The following SLC25A33 variants were observed in gnomAD, a reference collection of about 807,000 sequenced individuals.
SLC25A33 encodes bone marrow stromal cell mitochondrial carrier protein.
A neutral mutation model predicts 35.5 loss-of-function variants in SLC25A33; 15 were observed. That is an observed-to-expected ratio of 0.42 (90% CI 0.28 to 0.65). The LOEUF is 0.65. Ranked by LOEUF, SLC25A33 falls within the 30% of genes least tolerant of loss-of-function variation. The pLI is 0.20. For missense variants in SLC25A33, 257 were observed against 398.5 expected, an observed-to-expected ratio of 0.64 and a Z score of 3.02; for synonymous variants, 136 against 148.7, an observed-to-expected ratio of 0.91 and a Z score of 0.62.
intron 2 of SLC25A33, among the ~76,000 whole-genome samples, chr1:9,564,742 ATATATATAT>A (rs1643478103): frequency 4.6e-5 from 4 of 86,180 alleles, no homozygotes; most frequent in Admixed American, 1.2e-4. Flanking sequence ...AAAAAAAAAT[ATATATATAT>A]ATATATATAT....
intron 3 of SLC25A33, among the ~76,000 whole-genome samples, chr1:9,568,548 G>A (rs1180136817): frequency 6.6e-6 from 1 of 151,636 alleles, no homozygotes; most frequent in East Asian, 2.0e-4. Flanking sequence ...TACTCCAAGA[G>A]ACTTGAAAGA....
intron 2 of SLC25A33, among the ~76,000 whole-genome samples, chr1:9,564,159 T>G (rs1226295610): frequency 6.6e-6 from 1 of 152,174 alleles, no homozygotes; most frequent in Non-Finnish European, 1.5e-5. Context: ...TTAACCAACG[T>G]GAATAACTGT....
At chr1:9,567,866 A>G (rs1339203479) in intron 3 of SLC25A33, among the ~76,000 whole-genome samples, 1 of 152,242 alleles carries the variant, frequency 6.6e-6, no homozygotes, top group African/African-American at 2.4e-5. Context: ...TGTTTGAAAT[A>G]TACAGAACTG....
At chr1:9,552,735 G>C (rs2100379181) in intron 1 of SLC25A33, among the ~76,000 whole-genome samples, 1 of 152,092 alleles carries the variant, frequency 6.6e-6, no homozygotes, top group South Asian at 2.1e-4. Context: ...AATCGATAAG[G>C]CAGAGATAGT....
intron 2 of SLC25A33, chr1:9,556,406 C>T: frequency 4.7e-6 from 1 of 211,496 alleles, no homozygotes; most frequent in Non-Finnish European, 8.2e-6. Flanking sequence ...GAATGTTTCT[C>T]CATTTTAGGT....
intron 6 of SLC25A33, among the ~76,000 whole-genome samples, chr1:9,581,902 T>C (rs1445621468): frequency 5.9e-5 from 9 of 152,168 alleles, no homozygotes; most frequent in Non-Finnish European, 1.2e-4. Flanking sequence ...GACACAGTTG[T>C]AACCTTGACA....
At chr1:9,548,301 G>A (rs575411072) in intron 1 of SLC25A33, among the ~76,000 whole-genome samples, 5 of 152,188 alleles carry the variant, frequency 3.3e-5, no homozygotes, top group African/African-American at 1.2e-4. Context: ...AATTAAATGG[G>A]CTGGGCGCGG....
chr1:9,555,110 C>CTTTTT (rs1172100444), intron 2 of SLC25A33, among the ~76,000 whole-genome samples: 65 of 91,166 alleles, frequency 7.1e-4, no homozygotes, highest in Non-Finnish European at 9.6e-4. Context: ...GCATTTAGCA[C>CTTTTT]TTTTTTTTTT....
In SLC25A33 at chr1:9,570,369, C is replaced by A; in HGVS notation, c.415+11C>A. On this transcript the variant is annotated intron_variant, in intron 4 of 6. Coordinates refer to ENST00000302692, the MANE Select transcript of SLC25A33 (RefSeq NM_032315.3). ...CAGCTGGCTCTGCAGGTATGTTACC[C>A]TAGTGAGTGAAGAGAGGGTCTCTCT... 6.2e-7 allele frequency: 1 copy of A among 1,607,286 alleles called. No homozygotes were observed. Among genetic ancestry groups the A allele is most frequent in the South Asian group, 1.1e-5 (1 of 90,748 alleles).
chr1:9,544,415 C>T (rs1200207181), intron 1 of SLC25A33, among the ~76,000 whole-genome samples: 2 of 151,788 alleles, frequency 1.3e-5, no homozygotes, highest in African/African-American at 4.8e-5. Flanking sequence ...ATTACAGGCA[C>T]GTGCCACCAT....
chr1:9,575,212 CAAA>C (rs909942057), intron 5 of SLC25A33, among the ~76,000 whole-genome samples: 2 of 58,726 alleles, frequency 3.4e-5, no homozygotes, highest in Non-Finnish European at 6.7e-5. Context: ...GACTCTGGCT[CAAA>C]AAAAAAAAAA....
chr1:9,541,507 G>C (rs891679598), intron 1 of SLC25A33, among the ~76,000 whole-genome samples: 2 of 152,092 alleles, frequency 1.3e-5, no homozygotes, highest in Non-Finnish European at 2.9e-5. Flanking sequence ...ATGTTGGCCA[G>C]GCTGGCACTC....
At chr1:9,547,280 C>T (rs971768879) in intron 1 of SLC25A33, among the ~76,000 whole-genome samples, 1 of 152,026 alleles carries the variant, frequency 6.6e-6, no homozygotes, top group Non-Finnish European at 1.5e-5. Context: ...ATGGTGAAAC[C>T]CCATCTCTAC....
intron 1 of SLC25A33, among the ~76,000 whole-genome samples, chr1:9,552,501 G>GTATT (rs1188594645): frequency 6.6e-6 from 1 of 152,050 alleles, no homozygotes; most frequent in African/African-American, 2.4e-5. Context: ...CAGAGTGGTA[G>GTATT]TATTACAAGT....
In SLC25A33 at chr1:9,580,233, C is replaced by T. The variant is rs7554199; in HGVS notation, c.762C>T (p.His254=). Residue 254 remains histidine, a splice_region_variant and synonymous_variant, in exon 6 of 7, where the codon CAC becomes CAT. Coordinates refer to ENST00000302692, the MANE Select transcript of SLC25A33 (RefSeq NM_032315.3). ...KGCASCIAYP[H]EVIRTRLREE... is the part of the protein sequence containing the mutation. ...GTGCCTCCTGCATTGCTTATCCACA[C>T]GGTATGTTTTGCTTTTGTTCTTCCA... is the stretch of plus-strand genomic sequence containing the variant. 3.6e-4 allele frequency: 585 copies of T among 1,610,706 alleles called. 2 individuals are homozygous for T. In the African/African-American group the frequency reaches 6.8e-3, roughly 19 times the overall value.
chr1:9,542,420 A>G (rs1387858433), intron 1 of SLC25A33, among the ~76,000 whole-genome samples: 2 of 152,190 alleles, frequency 1.3e-5, no homozygotes, highest in Non-Finnish European at 2.9e-5. Context: ...AAGAAAGAAA[A>G]GACAGCTTCC....
At chr1:9,561,201 C>T (rs1046084189) in intron 2 of SLC25A33, among the ~76,000 whole-genome samples, 1 of 152,132 alleles carries the variant, frequency 6.6e-6, no homozygotes, top group African/African-American at 2.4e-5. Context: ...CTTCGGCCTC[C>T]CAAAGTGCTG....
At chr1:9,560,450 G>C (rs1325868498) in intron 2 of SLC25A33, among the ~76,000 whole-genome samples, 2 of 151,232 alleles carry the variant, frequency 1.3e-5, no homozygotes, top group African/African-American at 4.9e-5. Flanking sequence ...TGTAATCCCG[G>C]CTACTCGGGA....
chr1:9,553,598 C>T, intron 1 of SLC25A33, 28 bp from the exon 2 acceptor site: 2 of 1,611,188 alleles, frequency 1.2e-6, no homozygotes, highest in Non-Finnish European at 1.7e-6. Context: ...AGTATAGCTT[C>T]TCTGATCTGC....
Sources: gnomAD v4.1 joint callset for allele counts (sites outside exome capture counted in the v4.1 genomes callset) on GRCh38, gnomAD v4.1.1 for gene constraint, MANE v1.5 for transcripts, NCBI Gene and HGNC (gene_info 2026-07-23, HGNC 2026-07-21) for gene names.